MMP26: variants seen among roughly 807,000 people sequenced by gnomAD.
MMP26 encodes the protein matrix metallopeptidase 26.
A neutral mutation model predicts 31.0 loss-of-function variants in MMP26; 33 were observed. The ratio of observed to expected loss-of-function variants is 1.06; its 90% CI spans 0.81 to 1.42. The LOEUF (loss-of-function observed/expected upper bound fraction) is 1.42. Ranked by LOEUF, MMP26 falls within the 40% of genes most tolerant of loss-of-function variation. The pLI is 0.00. For synonymous variants in MMP26, 122 were observed against 114.9 expected (o/e 1.06, Z -0.40); for missense variants, 347 against 316.1 (o/e 1.10, Z -0.74).
chr11:4,750,142 T>C (rs1026643679), intron 1 of MMP26, among the ~76,000 whole-genome samples: 1 of 151,980 alleles, frequency 6.6e-6, no homozygotes, highest in African/African-American at 2.4e-5. Context: ...GACAGTTTTC[T>C]AAAGAAGACA....
At chr11:4,931,880 C>T (rs74052645) in intron 2 of MMP26, among the ~76,000 whole-genome samples, 1 of 151,938 alleles carries the variant, frequency 6.6e-6, no homozygotes, top group Admixed American at 6.6e-5. Context: ...CATTTTACTG[C>T]CTTTTAAGGA....
At chr11:4,750,575 A>G (rs1589890466) in intron 1 of MMP26, among the ~76,000 whole-genome samples, 1 of 152,058 alleles carries the variant, frequency 6.6e-6, no homozygotes, top group East Asian at 1.9e-4. Flanking sequence ...TATACCATGG[A>G]ATCATACTCA....
At chr11:4,899,147 C>T (rs1334306463) in intron 2 of MMP26, among the ~76,000 whole-genome samples, 1 of 152,154 alleles carries the variant, frequency 6.6e-6, no homozygotes, top group Non-Finnish European at 1.5e-5. Flanking sequence ...AAGGACTTAT[C>T]TGTATTCCCA....
intron 2 of MMP26, chr11:4,859,897 G>C (rs1299623244): frequency 2.1e-6 from 1 of 471,136 alleles, no homozygotes; most frequent in Non-Finnish European, 4.4e-6. Flanking sequence ...AGTCTTCAGG[G>C]TGAGTACATA....
chr11:4,740,159 T>C (rs114558205), intron 1 of MMP26, among the ~76,000 whole-genome samples: 17 of 150,158 alleles, frequency 1.1e-4, no homozygotes, highest in African/African-American at 4.0e-4. Context: ...CCAAAATTAA[T>C]ATAAAAAATA....
At chr11:4,957,525 C>A (rs1026569115) in intron 2 of MMP26, among the ~76,000 whole-genome samples, 1 of 151,986 alleles carries the variant, frequency 6.6e-6, no homozygotes, top group African/African-American at 2.4e-5. Context: ...TCCTTTCCCC[C>A]GATGAGAAAA....
At chr11:4,736,294 G>A (rs1414614186) in intron 1 of MMP26, 2 of 152,064 alleles carry the variant, frequency 1.3e-5, no homozygotes, top group Non-Finnish European at 2.9e-5. Flanking sequence ...GCATAAGGAG[G>A]CGCTCTTTTC....
At chr11:4,784,461 T>A (rs1271459585) in intron 2 of MMP26, among the ~76,000 whole-genome samples, 3 of 152,220 alleles carry the variant, frequency 2.0e-5, no homozygotes, top group Non-Finnish European at 4.4e-5. Context: ...ATGGTAATGA[T>A]CACAAGATGA....
intron 2 of MMP26, among the ~76,000 whole-genome samples, chr11:4,811,370 A>G (rs929756022): frequency 6.6e-6 from 1 of 152,158 alleles, no homozygotes; most frequent in Non-Finnish European, 1.5e-5. Context: ...TCCACGCTCA[A>G]GTAGGTCCCA....
At chr11:4,865,023 C>G (rs1850215472) in intron 2 of MMP26, among the ~76,000 whole-genome samples, 2 of 152,056 alleles carry the variant, frequency 1.3e-5, no homozygotes, top group South Asian at 4.2e-4. Flanking sequence ...ATTCATTCAG[C>G]ATTCCTTGTT....
chr11:4,930,926 A>G (rs1023341425), intron 2 of MMP26, among the ~76,000 whole-genome samples: 2 of 151,990 alleles, frequency 1.3e-5, no homozygotes, highest in South Asian at 4.1e-4. Flanking sequence ...TTAATTTTAA[A>G]TCATTTTAAT....
At chr11:4,878,387 C>T (rs1850413525) in intron 2 of MMP26, among the ~76,000 whole-genome samples, 1 of 151,792 alleles carries the variant, frequency 6.6e-6, no homozygotes, top group Admixed American at 6.6e-5. Context: ...TATTTTATAA[C>T]ATAAGGTATA....
chr11:4,967,806 T>C (rs1473234991), intron 2 of MMP26, among the ~76,000 whole-genome samples: 2 of 152,136 alleles, frequency 1.3e-5, no homozygotes, highest in African/African-American at 2.4e-5. Context: ...GAATAGTCAA[T>C]AAAAGTTTCC....
chr11:4,834,328 A>AGGG (rs1564790615), intron 2 of MMP26, among the ~76,000 whole-genome samples: 2 of 152,142 alleles, frequency 1.3e-5, no homozygotes, highest in Non-Finnish European at 2.9e-5. Flanking sequence ...AAATAACTTT[A>AGGG]ATACCTGAGC....
At chr11:4,710,194 C>G (rs761611993) in intron 1 of MMP26, 2 of 456,662 alleles carry the variant, frequency 4.4e-6, no homozygotes, top group Non-Finnish European at 8.8e-6. Flanking sequence ...ATCTCTACTG[C>G]TGGCTTAGAC....
At chr11:4,821,460 C>A (rs1170154322) in intron 2 of MMP26, 1 of 1,613,766 alleles carries the variant, frequency 6.2e-7, no homozygotes, top group Admixed American at 1.7e-5. Context: ...AGCCTCTGAT[C>A]TTCCTCCTGA....
At chr11:4,970,927 G>T (rs538755438) in intron 2 of MMP26, among the ~76,000 whole-genome samples, 7 of 152,276 alleles carry the variant, frequency 4.6e-5, no homozygotes, top group African/African-American at 1.4e-4. Flanking sequence ...AACAGCATGC[G>T]GCCTGGGGTG....
At chr11:4,974,547 TA>T (rs1239070131) in intron 2 of MMP26, among the ~76,000 whole-genome samples, 1 of 152,086 alleles carries the variant, frequency 6.6e-6, no homozygotes, top group African/African-American at 2.4e-5. Flanking sequence ...CATCCTCTAT[TA>T]TTTTCTGTTT....
rs142978059 is a variant in MMP26 at position 4,821,266 on chromosome 11, G to T, written c.-145+53925G>T. 2.1e-3 allele frequency: 1,640 copies of T among 796,372 alleles called. 25 individuals are homozygous for T. The African/African-American group carries it at 0.026, about 13-fold the overall frequency. 49.3% of individuals were successfully genotyped at this position (796,372 alleles called of 1,614,324 possible). A position where few individuals can be genotyped will look rare whatever the true frequency, so the allele number is the denominator to read the frequency against. On this transcript the variant is annotated intron_variant, in intron 2 of 7. Coordinates refer to ENST00000380390, the MANE Select transcript of MMP26 (RefSeq NM_021801.5). ...TGACAGACTTGGAGAGAAATGTGTA[G>T]CTCTGGGAAGCTAAAAAGAAAATTC...
Sources: gnomAD v4.1 joint callset for allele counts (sites outside exome capture counted in the v4.1 genomes callset) on GRCh38, gnomAD v4.1.1 for gene constraint, MANE v1.5 for transcripts, NCBI Gene and HGNC (gene_info 2026-07-23, HGNC 2026-07-21) for gene names.